The following NKAIN2 variants were observed in gnomAD, a reference collection of about 807,000 sequenced individuals.
NKAIN2 encodes sodium/potassium transporting ATPase interacting 2, also known as sodium/potassium-transporting ATPase subunit beta-1-interacting protein 2.
NKAIN2 carries 14 observed loss-of-function variants against 32.6 expected under a neutral mutation model. That is an observed-to-expected ratio of 0.43 (90% confidence interval 0.28 to 0.67). NKAIN2 has a LOEUF of 0.67. Ranked by LOEUF, NKAIN2 falls within the 30% of genes least tolerant of loss-of-function variation. The probability of loss-of-function intolerance (pLI) is 0.17; values close to 1 mark genes in which losing one functional copy is unlikely to be tolerated. For synonymous variants in NKAIN2, 80 were observed against 87.2 expected (o/e 0.92, Z 0.46); for missense variants, 198 against 258.3 (o/e 0.77, Z 1.60).
intron 4 of NKAIN2, among the ~76,000 whole-genome samples, chr6:124,703,861 T>C (rs958763070): frequency 1.3e-5 from 2 of 151,916 alleles, no homozygotes; most frequent in Non-Finnish European, 2.9e-5. Context: ...CCAGCAGAGA[T>C]CTGGAATATA....
At chr6:124,398,688 A>T (rs1240565962) in intron 3 of NKAIN2, among the ~76,000 whole-genome samples, 1 of 152,230 alleles carries the variant, frequency 6.6e-6, no homozygotes, top group African/African-American at 2.4e-5. Flanking sequence ...GAGAAATGTT[A>T]TCAACCTAAG....
chr6:124,185,893 A>C (rs1789700867), intron 1 of NKAIN2, among the ~76,000 whole-genome samples: 2 of 152,074 alleles, frequency 1.3e-5, no homozygotes, highest in African/African-American at 4.8e-5. Context: ...AATGACTAAC[A>C]TTTCCCCTTT....
At chr6:124,296,041 T>C (rs1052570934) in intron 2 of NKAIN2, among the ~76,000 whole-genome samples, 2 of 152,130 alleles carry the variant, frequency 1.3e-5, no homozygotes, top group Admixed American at 1.3e-4. Context: ...ATTTTTAAAA[T>C]TATAAATTTA....
chr6:124,125,919 C>T (rs77391594), intron 1 of NKAIN2, among the ~76,000 whole-genome samples: 5,166 of 152,248 alleles, frequency 0.034, 162 homozygotes, highest in East Asian at 0.1. Flanking sequence ...TTGTTCCCTT[C>T]CAGGTCACAC....
At chr6:124,296,154 A>G (rs1344898273) in intron 2 of NKAIN2, among the ~76,000 whole-genome samples, 1 of 152,088 alleles carries the variant, frequency 6.6e-6, no homozygotes, top group Non-Finnish European at 1.5e-5. Context: ...TTCATGGTTA[A>G]GCCTCTACTC....
At chr6:124,747,426 A>T (rs905577004) in intron 4 of NKAIN2, among the ~76,000 whole-genome samples, 1 of 151,872 alleles carries the variant, frequency 6.6e-6, no homozygotes, top group African/African-American at 2.4e-5. Flanking sequence ...GTTAAGCCTT[A>T]TGTCAATTAA....
intron 1 of NKAIN2, among the ~76,000 whole-genome samples, chr6:124,022,460 G>A (rs1405588282): frequency 6.6e-6 from 1 of 152,150 alleles, no homozygotes; most frequent in Non-Finnish European, 1.5e-5. Flanking sequence ...GATCCTTGAG[G>A]AATTGCCACA....
chr6:124,700,274 T>C (rs976210481), intron 4 of NKAIN2, among the ~76,000 whole-genome samples: 1 of 152,166 alleles, frequency 6.6e-6, no homozygotes, highest in Non-Finnish European at 1.5e-5. Context: ...AATATTTTAA[T>C]AGGATCTCAC....
chr6:123,911,770 T>TATAC (rs1295386721), intron 1 of NKAIN2, among the ~76,000 whole-genome samples: 3 of 130,468 alleles, frequency 2.3e-5, no homozygotes, highest in Admixed American at 8.6e-5. Context: ...TAGTCGTATA[T>TATAC]ATACATACAT....
intron 3 of NKAIN2, among the ~76,000 whole-genome samples, chr6:124,462,160 C>T (rs538975872): frequency 6.6e-6 from 1 of 151,782 alleles, no homozygotes; most frequent in East Asian, 1.9e-4. Flanking sequence ...GCATTACCTA[C>T]AAAGTTTGGA....
intron 1 of NKAIN2, among the ~76,000 whole-genome samples, chr6:123,990,058 CT>C (rs1464824293): frequency 5.9e-5 from 9 of 152,282 alleles, no homozygotes; most frequent in South Asian, 2.1e-4. Flanking sequence ...CAGGTACTTT[CT>C]TCACAGAATG....
intron 1 of NKAIN2, among the ~76,000 whole-genome samples, chr6:124,012,701 A>G (rs9482501): frequency 0.032 from 4,879 of 152,232 alleles, 279 homozygotes; most frequent in African/African-American, 0.11. Flanking sequence ...CATTTTATGG[A>G]TGTACCACAT....
intron 1 of NKAIN2, among the ~76,000 whole-genome samples, chr6:123,893,460 C>T (rs1390017742): frequency 6.6e-6 from 1 of 152,154 alleles, no homozygotes; most frequent in Non-Finnish European, 1.5e-5. Context: ...TTCATCCTTG[C>T]CCTCCTATAA....
intron 3 of NKAIN2, among the ~76,000 whole-genome samples, chr6:124,581,768 A>G (rs187456383): frequency 6.6e-6 from 1 of 152,352 alleles, no homozygotes; most frequent in Admixed American, 6.5e-5. Flanking sequence ...CTCTGGGTCA[A>G]TGAAGAAATT....
At chr6:124,064,914 A>G (rs1258747168) in intron 1 of NKAIN2, among the ~76,000 whole-genome samples, 1 of 152,064 alleles carries the variant, frequency 6.6e-6, no homozygotes, top group East Asian at 1.9e-4. Context: ...GCCTGGTTTC[A>G]ACCAATTAGT....
intron 5 of NKAIN2, among the ~76,000 whole-genome samples, chr6:124,810,492 G>A (rs1251859781): frequency 6.6e-6 from 1 of 152,054 alleles, no homozygotes; most frequent in Non-Finnish European, 1.5e-5. Flanking sequence ...GTGGGGTGGG[G>A]GGAGCGGGAA....
intron 4 of NKAIN2, among the ~76,000 whole-genome samples, chr6:124,762,185 G>C (rs1387699467): frequency 1.3e-5 from 2 of 152,104 alleles, no homozygotes; most frequent in Non-Finnish European, 2.9e-5. Flanking sequence ...GGCAGGTCTG[G>C]TTTCTCCTGA....
chr6:124,577,156 A>C (rs1296105938), intron 3 of NKAIN2, among the ~76,000 whole-genome samples: 1 of 152,216 alleles, frequency 6.6e-6, no homozygotes, highest in African/African-American at 2.4e-5. Flanking sequence ...AGATGGCTGA[A>C]TAGAAGCCTT....
At chr6:124,765,693 C>T (rs1778482365) in intron 4 of NKAIN2, among the ~76,000 whole-genome samples, 1 of 152,216 alleles carries the variant, frequency 6.6e-6, no homozygotes. Context: ...TTGGTAGATA[C>T]TGAATTTCTC....
Sources: allele counts gnomAD v4.1 joint callset (sites outside exome capture counted in the v4.1 genomes callset), GRCh38; gene constraint gnomAD v4.1.1; transcripts MANE v1.5; gene names NCBI Gene and HGNC (gene_info 2026-07-23, HGNC 2026-07-21).